The following THBS4 variants were observed in gnomAD, a reference collection of about 807,000 sequenced individuals.
THBS4 encodes the protein thrombospondin-4.
A neutral mutation model predicts 115.7 loss-of-function variants in THBS4; 90 were observed. That is an observed-to-expected ratio of 0.78 (90% confidence interval 0.66 to 0.93). THBS4 has a LOEUF of 0.93. Ranked by LOEUF, THBS4 falls within the 40% of genes least tolerant of loss-of-function variation. The probability of loss-of-function intolerance (pLI) is 0.00; values close to 1 mark genes in which losing one functional copy is unlikely to be tolerated. For missense variants in THBS4, 1,087 were observed against 1,232.7 expected, an observed-to-expected ratio of 0.88 and a Z score of 1.77; for synonymous variants, 460 against 479.3, an observed-to-expected ratio of 0.96 and a Z score of 0.53.
In THBS4 at chr5:80,070,323, T is replaced by G; in HGVS notation, c.1365T>G (p.Ala455=). 2 of 1,593,934 alleles carry G rather than the reference T, an allele frequency of 1.3e-6. No homozygotes were observed. The highest frequency in any genetic ancestry group is 2.3e-5 in the South Asian group (2 of 86,436). ...CTTTACAGTGTGGAGTCGGTTGGGC[T>G]GGAGATGGCTATATCTGTGGAAAGG... is the stretch of plus-strand genomic sequence containing the variant. ...DVTCVCGVGW[A]GDGYICGKDV... is the part of the protein sequence containing the mutation. The change falls in exon 11 of 22, where the codon GCT becomes GCG. Residue 455 remains alanine, a synonymous_variant. Coordinates refer to ENST00000350881, the MANE Select transcript of THBS4 (RefSeq NM_003248.6).
At chr5:80,065,506 A>G in intron 9 of THBS4, 29 bp downstream of exon 9, 1 of 1,600,562 alleles carries the variant, frequency 6.2e-7, no homozygotes, top group Non-Finnish European at 8.5e-7. Flanking sequence ...TGTTGTTATC[A>G]AAGCAGAACC....
chr5:80,071,208 T>C (rs201835616), intron 13 of THBS4, 28 bp downstream of exon 13: 2 of 1,558,574 alleles, frequency 1.3e-6, no homozygotes, highest in Non-Finnish European at 1.7e-6. Context: ...TTGTCTTTTA[T>C]TTGGAATTCA....
intron 19 of THBS4, 144 bp downstream of exon 19, chr5:80,079,402 G>T: frequency 1.1e-6 from 1 of 905,286 alleles, no homozygotes; most frequent in South Asian, 1.9e-5. Flanking sequence ...GAAGACTACA[G>T]TTGACCCTTG....
rs1346219487 is a variant in THBS4 at position 80,059,691 on chromosome 5, G to A, written c.785-12G>A. 5.0e-6 allele frequency: 8 copies of A among 1,613,228 alleles called. No individual in the cohort carries two copies. Among genetic ancestry groups the A allele is most frequent in the Non-Finnish European group, 6.8e-6 (8 of 1,179,234 alleles). On this transcript the variant is annotated splice_polypyrimidine_tract_variant and intron_variant, in intron 6 of 21. Transcript: ENST00000350881. The stretch of plus-strand genomic sequence containing the variant: ...GCGGTGAATACGCCTGTGGATGATT[G>A]TTTTTCTCTAGGTCCTCTCAAGTTT...
chr5:80,009,573 G>A (rs901296397), intron 2 of THBS4, among the ~76,000 whole-genome samples: 3 of 151,812 alleles, frequency 2.0e-5, no homozygotes, highest in African/African-American at 7.3e-5. Context: ...GGAATTTCCA[G>A]CATAATCCTG....
intron 2 of THBS4, among the ~76,000 whole-genome samples, chr5:80,003,294 G>A (rs185353449): frequency 7.9e-4 from 120 of 152,144 alleles, no homozygotes; most frequent in African/African-American, 2.6e-3. Context: ...TTGGAGATTC[G>A]GGCAATATTT....
intron 2 of THBS4, among the ~76,000 whole-genome samples, chr5:80,029,230 A>G (rs1320561792): frequency 2.0e-5 from 3 of 152,180 alleles, no homozygotes; most frequent in African/African-American, 7.2e-5. Flanking sequence ...TACACTCCAC[A>G]TCATATTTTC....
chr5:80,021,162 G>A lies in THBS4; in HGVS notation n.178-18915G>A, dbSNP rs545443847. On this transcript the variant is annotated intron_variant and non_coding_transcript_variant, in intron 2 of 3. Coordinates refer to the THBS4 transcript ENST00000510218. ...TTTGTTGCAGTGGTTCTCGAAATAT[G>A]GTCTGAGGATTCCTGGGGGTACCTG... Among the ~76,000 whole-genome samples, 91 of 152,152 alleles carry A rather than the reference G, an allele frequency of 6.0e-4. 1 individual carries two copies. Among genetic ancestry groups the A allele is most frequent in the Admixed American group, 5.8e-3 (88 of 15,280 alleles).
chr5:80,019,390 A>C (rs1832315738), intron 2 of THBS4, among the ~76,000 whole-genome samples: 1 of 152,220 alleles, frequency 6.6e-6, no homozygotes, highest in South Asian at 2.1e-4. Flanking sequence ...TTTTTAAGTC[A>C]TAAAAGATAT....
At chr5:80,054,185 C>T (rs534113027) in intron 2 of THBS4, among the ~76,000 whole-genome samples, 2 of 140,354 alleles carry the variant, frequency 1.4e-5, no homozygotes, top group African/African-American at 5.4e-5. Context: ...GAGACAGGAT[C>T]GCTCTTTTGC....
chr5:80,083,097 T>G lies in THBS4; in HGVS notation c.2842T>G (p.Phe948Val). ...TATTGCAGACACCATCCCTGAGGAC[T>G]TCCAAGAGTTTCAAACCCAGAATTT... is the stretch of plus-strand genomic sequence containing the variant. ...YRCNDTIPEDFQEFQTQNFDR... is the reference protein window; with the variant it reads ...YRCNDTIPEDVQEFQTQNFDR... Residue 948 changes from phenylalanine (F) to valine (V), a missense_variant, in exon 22 of 22, where the codon TTC becomes GTC. This residue lies in a region of THBS4 where 103 missense variants were observed against 108.2 expected (regional missense o/e 0.95). Transcript: ENST00000350881. 6.2e-7 allele frequency: 1 copy of G among 1,614,024 alleles called. No individual in the cohort carries two copies. The highest frequency in any genetic ancestry group is 8.5e-7 in the Non-Finnish European group (1 of 1,179,872).
At chr5:80,025,819 T>C (rs1832466142) in intron 2 of THBS4, among the ~76,000 whole-genome samples, 1 of 152,232 alleles carries the variant, frequency 6.6e-6, no homozygotes, top group Non-Finnish European at 1.5e-5. Context: ...TCACCCTGGA[T>C]TTCTGGGTAA....
chr5:80,050,786 C>CG (rs1427700148), intron 2 of THBS4, among the ~76,000 whole-genome samples: 4 of 152,162 alleles, frequency 2.6e-5, no homozygotes. Context: ...GGCCTGTGCC[C>CG]GGGAATGAAC....
chr5:80,070,567 G>C (rs1834004411), intron 11 of THBS4, 76 bp from the exon 12 acceptor site: 1 of 1,449,586 alleles, frequency 6.9e-7, no homozygotes, highest in African/African-American at 1.4e-5. Flanking sequence ...TAAAGCCACA[G>C]TGTCTTGAGG....
In THBS4 at chr5:80,059,817, A is replaced by G. The variant is rs906345147; in HGVS notation, c.899A>G (p.Gln300Arg). Residue 300 changes from glutamine to arginine, a missense_variant, in exon 7 of 22, where the codon CAA (glutamine) becomes CGA (arginine). Coordinates refer to ENST00000350881, the MANE Select transcript of THBS4 (RefSeq NM_003248.6). ...TCCAACCCATGTTTCCGAGGTGTCC[A>G]ATGTACCGACAGTAGAGATGGCTTC... Reference protein sequence around the residue: ...CDSNPCFRGVQCTDSRDGFQC... With the variant: ...CDSNPCFRGVRCTDSRDGFQC... 1.2e-5 allele frequency: 19 copies of G among 1,614,048 alleles called. No individual in the cohort carries two copies. Among genetic ancestry groups the G allele is most frequent in the Non-Finnish European group, 1.6e-5 (19 of 1,180,032 alleles).
intron 2 of THBS4, among the ~76,000 whole-genome samples, chr5:80,004,555 C>G (rs552894555): frequency 6.6e-6 from 1 of 152,274 alleles, no homozygotes; most frequent in Non-Finnish European, 1.5e-5. Context: ...TAGAAGCAAG[C>G]AAACAGATAA....
intron 13 of THBS4, 44 bp downstream of exon 13, chr5:80,071,224 C>G: frequency 6.5e-7 from 1 of 1,544,788 alleles, no homozygotes; most frequent in South Asian, 1.3e-5. Context: ...ATTCAGTTGA[C>G]CTTGTTCCAT....
At chr5:80,059,044 A>G (rs1833532508) in intron 5 of THBS4, among the ~76,000 whole-genome samples, 1 of 152,228 alleles carries the variant, frequency 6.6e-6, no homozygotes, top group South Asian at 2.1e-4. Flanking sequence ...AAGAAGTGTT[A>G]CAGAGAGCCA....
intron 8 of THBS4, among the ~76,000 whole-genome samples, chr5:80,064,590 G>A (rs1216607145): frequency 2.0e-5 from 3 of 152,186 alleles, no homozygotes; most frequent in Admixed American, 1.3e-4. Context: ...AATTAGCCGG[G>A]TGTGATGGTG....
Sources: gnomAD v4.1 joint callset for allele counts (sites outside exome capture counted in the v4.1 genomes callset) on GRCh38, gnomAD v4.1.1 for gene constraint, gnomAD v4.1.1 regional missense constraint, MANE v1.5 for transcripts, NCBI Gene and HGNC (gene_info 2026-07-23, HGNC 2026-07-21) for gene names.